FUT8: variants seen among roughly 807,000 people sequenced by gnomAD.
FUT8 encodes the protein fucosyltransferase 8, also known as alpha-(1,6)-fucosyltransferase.
FUT8 carries 29 observed loss-of-function variants against 71.3 expected under a neutral mutation model. The ratio of observed to expected loss-of-function variants is 0.41; its 90% CI spans 0.30 to 0.55. The LOEUF (loss-of-function observed/expected upper bound fraction) is 0.55, where lower values mean the gene tolerates loss of function less well. FUT8 is among the 20% of genes least tolerant of loss of function. FUT8 has a pLI of 0.34. For synonymous variants in FUT8, 254 were observed against 239.3 expected, an observed-to-expected ratio of 1.06 and a Z score of -0.57; for missense variants, 544 against 702.1, an observed-to-expected ratio of 0.77 and a Z score of 2.55.
chr14:65,405,847 C>A (rs141307449), upstream of FUT8, among the ~76,000 whole-genome samples: 1,493 of 152,304 alleles, frequency 9.8e-3, 24 homozygotes, highest in African/African-American at 0.034. Context: ...CTAGGTGAGG[C>A]CTGAGATAAT....
At chr14:65,498,061 G>A (rs2066587778) in intron 2 of FUT8, among the ~76,000 whole-genome samples, 1 of 152,136 alleles carries the variant, frequency 6.6e-6, no homozygotes, top group East Asian at 1.9e-4. Flanking sequence ...TTTAATGAAA[G>A]AATAATCAGG....
intron 7 of FUT8, among the ~76,000 whole-genome samples, chr14:65,682,673 T>G (rs1893094010): frequency 6.6e-6 from 1 of 152,200 alleles, no homozygotes; most frequent in Non-Finnish European, 1.5e-5. Flanking sequence ...ATAAAAATAC[T>G]TGCCCATGAC....
the FUT8 span, among the ~76,000 whole-genome samples, chr14:65,365,299 A>G: frequency 8.7e-5 from 13 of 150,062 alleles, no homozygotes; most frequent in Admixed American, 8.1e-4. Context: ...GAGGGGCATG[A>G]TTCCCCTCCT....
chr14:65,532,409 A>G (rs1035280064), intron 2 of FUT8, among the ~76,000 whole-genome samples: 1 of 152,046 alleles, frequency 6.6e-6, no homozygotes, highest in Non-Finnish European at 1.5e-5. Flanking sequence ...GCTTTTTTTC[A>G]TATACTTGTT....
chr14:65,733,838 C>T (rs1896093570), intron 10 of FUT8, among the ~76,000 whole-genome samples: 1 of 152,030 alleles, frequency 6.6e-6, no homozygotes. Context: ...AATGTAATTC[C>T]CTTTCAAGTT....
chr14:65,596,761 G>C (rs1388133117), intron 3 of FUT8, among the ~76,000 whole-genome samples: 4 of 152,000 alleles, frequency 2.6e-5, no homozygotes, highest in Non-Finnish European at 5.9e-5. Context: ...TAAAATGCAT[G>C]GTTGTTTTCT....
intron 3 of FUT8, among the ~76,000 whole-genome samples, chr14:65,596,469 GTTCTGT>G (rs1887984875): frequency 1.3e-5 from 2 of 152,046 alleles, no homozygotes; most frequent in African/African-American, 4.8e-5. Flanking sequence ...CCAAACCATT[GTTCTGT>G]AGGAGGACTG....
intron 3 of FUT8, among the ~76,000 whole-genome samples, chr14:65,582,287 T>C (rs1198522005): frequency 6.6e-6 from 1 of 152,216 alleles, no homozygotes; most frequent in Non-Finnish European, 1.5e-5. Context: ...GGAAGTGTTA[T>C]ACTATTCTGA....
intron 3 of FUT8, among the ~76,000 whole-genome samples, chr14:65,578,303 A>T (rs1404584654): frequency 6.6e-6 from 1 of 152,216 alleles, no homozygotes; most frequent in African/African-American, 2.4e-5. Context: ...TATTGATTTC[A>T]GTATCACTTG....
At chr14:65,361,356 C>CAAAAAAAAAAAAAA in the FUT8 span, among the ~76,000 whole-genome samples, 1 of 64,972 alleles carries the variant, frequency 1.5e-5, no homozygotes, top group African/African-American at 6.2e-5. Flanking sequence ...AACTCTGTCT[C>CAAAAAAAAAAAAAA]AAAAAAAAAA....
intron 2 of FUT8, among the ~76,000 whole-genome samples, chr14:65,463,286 A>T (rs946148379): frequency 6.6e-5 from 10 of 152,156 alleles, no homozygotes; most frequent in African/African-American, 2.4e-4. Flanking sequence ...AATTTTTTTG[A>T]GACAGGGCCT....
At chr14:65,424,267 C>T (rs2065348325) in intron 1 of FUT8, among the ~76,000 whole-genome samples, 1 of 152,118 alleles carries the variant, frequency 6.6e-6, no homozygotes, top group Admixed American at 6.5e-5. Context: ...CAGGAGGTGG[C>T]TACAAAATTA....
intron 7 of FUT8, among the ~76,000 whole-genome samples, chr14:65,689,594 A>G (rs1893473732): frequency 6.6e-6 from 1 of 152,030 alleles, no homozygotes; most frequent in Admixed American, 6.5e-5. Context: ...GCTGGAGTGC[A>G]GTGGTGCAAT....
intron 2 of FUT8, among the ~76,000 whole-genome samples, chr14:65,533,532 C>T (rs1415087189): frequency 6.6e-6 from 1 of 152,024 alleles, no homozygotes; most frequent in East Asian, 1.9e-4. Flanking sequence ...TTAAGTTGTT[C>T]ATTAGCTTAT....
intron 1 of FUT8, among the ~76,000 whole-genome samples, chr14:65,451,272 CCACT>C (rs1285106375): frequency 1.3e-5 from 2 of 152,272 alleles, no homozygotes; most frequent in African/African-American, 4.8e-5. Flanking sequence ...GGCTCAACCT[CCACT>C]CACTCAGACC....
At chr14:65,724,053 C>T (rs1895557452) in intron 8 of FUT8, 94 bp from the exon 9 acceptor site, 7 of 868,144 alleles carry the variant, frequency 8.1e-6, no homozygotes, top group Non-Finnish European at 1.2e-5. Context: ...GTTAAAAATG[C>T]CTATAATGCC....
At chr14:65,642,002 A>G (rs946454824) in intron 6 of FUT8, among the ~76,000 whole-genome samples, 3 of 152,110 alleles carry the variant, frequency 2.0e-5, no homozygotes, top group Middle Eastern at 3.4e-3. Context: ...AATTTTCTTA[A>G]CAGTGTCTTT....
the FUT8 span, among the ~76,000 whole-genome samples, chr14:65,376,454 A>G: frequency 7.2e-6 from 1 of 139,310 alleles, no homozygotes; most frequent in South Asian, 2.3e-4. Context: ...CCTGTCACAC[A>G]GGCTGGAGTG....
At chr14:65,739,671 G>A (rs1896395259) in intron 10 of FUT8, among the ~76,000 whole-genome samples, 1 of 152,022 alleles carries the variant, frequency 6.6e-6, no homozygotes, top group South Asian at 2.1e-4. Context: ...AAAGAAGACT[G>A]TCAGGTTTAC....
Sources: gnomAD v4.1 joint callset for allele counts (sites outside exome capture counted in the v4.1 genomes callset) on GRCh38, gnomAD v4.1.1 for gene constraint, MANE v1.5 for transcripts, NCBI Gene and HGNC (gene_info 2026-07-23, HGNC 2026-07-21) for gene names.